Variants in RFTN1 observed in about 807,000 individuals in gnomAD.
RFTN1 encodes the protein raftlin.
A neutral mutation model predicts 46.5 loss-of-function variants in RFTN1; 26 were observed. The observed-to-expected ratio is 0.56, with a 90% CI of 0.41 to 0.78. The LOEUF is 0.78. Among genes scored for constraint, RFTN1 ranks in the 30% least tolerant of loss-of-function variants. The pLI is 0.00. For missense variants in RFTN1, 693 were observed against 718.7 expected, an observed-to-expected ratio of 0.96 and a Z score of 0.41; for synonymous variants, 261 against 284.2, an observed-to-expected ratio of 0.92 and a Z score of 0.82.
chr3:16,497,548 G>A (rs143104286), intron 1 of RFTN1, among the ~76,000 whole-genome samples: 58 of 152,284 alleles, frequency 3.8e-4, no homozygotes, highest in South Asian at 3.7e-3. Context: ...AATGAGGAGC[G>A]GATAGGCTGG....
intron 2 of RFTN1, among the ~76,000 whole-genome samples, chr3:16,444,127 C>T (rs2075683529): frequency 6.6e-6 from 1 of 152,172 alleles, no homozygotes; most frequent in Admixed American, 6.5e-5. Context: ...GAAACTCATC[C>T]ATACCAAATC....
At position 16,426,607 on chromosome 3, in the gene RFTN1, T is replaced by A. The variant is rs2075294127; in HGVS notation, c.332+7244A>T. On this transcript the variant is annotated intron_variant, in intron 3 of 9. Transcript: ENST00000334133. This position sits in a 1 kb window ranked among gnomAD's most constrained non-coding sequence, Gnocchi z 5.9. The stretch of plus-strand genomic sequence containing the variant: ...TTAAAAGAAAAAGAAGAGTGAAAAA[T>A]AATGGACATCTATTCTTGTGGCAAA... 6.6e-6 allele frequency among the ~76,000 whole-genome samples: 1 copy of A among 151,132 alleles called. No individual in the cohort carries two copies. The highest frequency in any genetic ancestry group is 2.4e-5 in the African/African-American group (1 of 41,026).
rs1473892541 is a variant in RFTN1 at position 16,327,809 on chromosome 3, G to A, written c.1147-933C>T. On this transcript the variant is annotated intron_variant, in intron 7 of 9. Coordinates refer to ENST00000334133, the MANE Select transcript of RFTN1 (RefSeq NM_015150.2). This position sits in a 1 kb window ranked among gnomAD's most constrained non-coding sequence, Gnocchi z 4.2. ...AAACTTCAGCCCCCTGCTAGCACAG[G>A]GAGAGAGCCCTGATGTGAGGCCCCT... 6.6e-6 allele frequency among the ~76,000 whole-genome samples: 1 copy of A among 151,952 alleles called. No homozygotes were observed. The highest frequency in any genetic ancestry group is 2.4e-5 in the African/African-American group (1 of 41,368).
rs556690757 is a variant in RFTN1, at chr3:16,410,010, A to T, written c.333-527T>A. On this transcript the variant is annotated intron_variant, in intron 3 of 9. Transcript: ENST00000334133. The surrounding 1 kb of genome is among the most constrained non-coding windows in gnomAD (Gnocchi z 4.6). ...ACGCAGAATATTTTTTTTTTTTTTT[A>T]AAAAGAATCATTGGGTCTTTAATGA... 1.7e-4 allele frequency among the ~76,000 whole-genome samples: 25 copies of T among 148,826 alleles called. No individual in the cohort carries two copies. The highest frequency in any genetic ancestry group is 6.4e-4 in the South Asian group (3 of 4,706).
intron 7 of RFTN1, among the ~76,000 whole-genome samples, chr3:16,347,189 C>A (rs1364062753): frequency 6.6e-6 from 1 of 152,172 alleles, no homozygotes; most frequent in Non-Finnish European, 1.5e-5. Context: ...AAATCCAGGC[C>A]CTTGCCTCAC....
In RFTN1 at chr3:16,322,030, G is replaced by A. The variant is rs951483337; in HGVS notation, c.1332+1346C>T. Among the ~76,000 whole-genome samples, 1 of 152,244 alleles carries A rather than the reference G, an allele frequency of 6.6e-6. No homozygotes were observed. The highest frequency in any genetic ancestry group is 2.4e-5 in the African/African-American group (1 of 41,464). ...CTCTGTAAGGCTGCAGCGGGTGTCT[G>A]TCAGCATCTGACAGGGGCCCTTTGC... On this transcript the variant is annotated intron_variant, in intron 9 of 9. Transcript: ENST00000334133. The surrounding 1 kb of genome is among the most constrained non-coding windows in gnomAD (Gnocchi z 6.2).
rs1330978819 is a variant in RFTN1 at position 16,498,065 on chromosome 3, T to A, written c.-8-4188A>T. Among the ~76,000 whole-genome samples, 1 of 152,206 alleles carries A rather than the reference T, an allele frequency of 6.6e-6. No homozygotes were observed. Among genetic ancestry groups the A allele is most frequent in the East Asian group, 1.9e-4 (1 of 5,190 alleles). On this transcript the variant is annotated intron_variant, in intron 1 of 9. Transcript: ENST00000334133. This position sits in a 1 kb window ranked among gnomAD's most constrained non-coding sequence, Gnocchi z 5.2. ...TGCCCCAGCTCATCCCAAAGGGCAT[T>A]GTGCTTGATATCACAGGACATAAAG...
At position 16,429,303 on chromosome 3, in the gene RFTN1, C is replaced by A. The variant is rs959241422; in HGVS notation, c.332+4548G>T. ...CTTGAGAACTACTTTTGGAATGACT[C>A]ATTAATAATTTAGTTAGACTGTCAA... On this transcript the variant is annotated intron_variant, in intron 3 of 9. Coordinates refer to ENST00000334133, the MANE Select transcript of RFTN1 (RefSeq NM_015150.2). The surrounding 1 kb of genome is among the most constrained non-coding windows in gnomAD (Gnocchi z 6.4). Among the ~76,000 whole-genome samples the A allele has an allele frequency of 2.2e-4, 34 of 152,200 alleles. No individual in the cohort carries two copies. The highest frequency in any genetic ancestry group is 8.0e-4 in the African/African-American group (33 of 41,446).
rs35760953 is a variant in RFTN1 at position 16,404,387 on chromosome 3, A to AATAT, written c.441+4984_441+4987dup. Among the ~76,000 whole-genome samples the AATAT allele has an allele frequency of 8.7e-5, 4 of 45,902 alleles. 1 individual carries two copies. Among genetic ancestry groups the AATAT allele is most frequent in the Non-Finnish European group, 1.5e-4 (4 of 27,022 alleles). The allele number at this position is 45,902 out of a possible 152,430, so 30.1% of individuals were successfully genotyped here. On this transcript the variant is annotated intron_variant, in intron 4 of 9. Coordinates refer to ENST00000334133, the MANE Select transcript of RFTN1 (RefSeq NM_015150.2). ...ACAATATATAATATATATAATATAT[A>AATAT]ATATATATACAATATATAATATATA... is the stretch of plus-strand genomic sequence containing the variant.
rs557968311 is a variant in RFTN1 at position 16,370,573 on chromosome 3, T to C, written c.827-294A>G. Among the ~76,000 whole-genome samples the C allele has an allele frequency of 2.0e-5, 3 of 152,276 alleles. No homozygotes were observed. Among genetic ancestry groups the C allele is most frequent in the Non-Finnish European group, 2.9e-5 (2 of 68,028 alleles). On this transcript the variant is annotated intron_variant, in intron 5 of 9. Transcript: ENST00000334133. The surrounding 1 kb of genome is among the most constrained non-coding windows in gnomAD (Gnocchi z 5.5). Reference sequence around the variant, plus strand: ...GCGATTAATAGGCACAGCTAGGTGTTTGAGAAAAGAACATAGCAGATGGTT... The same window carrying C: ...GCGATTAATAGGCACAGCTAGGTGTCTGAGAAAAGAACATAGCAGATGGTT...
At chr3:16,456,564 C>G (rs1407869720) in intron 2 of RFTN1, among the ~76,000 whole-genome samples, 1 of 152,240 alleles carries the variant, frequency 6.6e-6, no homozygotes, top group Non-Finnish European at 1.5e-5. Flanking sequence ...TGACCAAACT[C>G]TTAGAAAAGG....
rs77908924 is a variant in RFTN1 at position 16,338,530 on chromosome 3, G to A, written c.1147-11654C>T. Among the ~76,000 whole-genome samples, 3 of 152,320 alleles carry A rather than the reference G, an allele frequency of 2.0e-5. No homozygotes were observed. The East Asian group carries it at 5.8e-4, about 29-fold the overall frequency. The stretch of plus-strand genomic sequence containing the variant: ...CACACATTGAGTGCTTCAGGGTGAG[G>A]GGGTCCTCCCAGGCCAACTTAGAAA... On this transcript the variant is annotated intron_variant, in intron 7 of 9. Transcript: ENST00000334133. The surrounding 1 kb of genome is among the most constrained non-coding windows in gnomAD (Gnocchi z 5.3).
intron 4 of RFTN1, among the ~76,000 whole-genome samples, chr3:16,408,057 G>A (rs1559331240): frequency 6.6e-6 from 1 of 152,110 alleles, no homozygotes; most frequent in Non-Finnish European, 1.5e-5. Flanking sequence ...TCCTCTCAAC[G>A]GCTTCCCGCT....
chr3:16,345,788 C>CTGTGTGTGTGTGTGTGTGTGTGTGTGTG lies in RFTN1; in HGVS notation c.1146+12116_1146+12143dup, dbSNP rs370820242. On this transcript the variant is annotated intron_variant, in intron 7 of 9. Transcript: ENST00000334133. The surrounding 1 kb of genome is among the most constrained non-coding windows in gnomAD (Gnocchi z 5.2). ...TGAGCCAAAACCTTATAATAAATCT[C>CTGTGTGTGTGTGTGTGTGTGTGTGTGTG]TGTGTGTGTGTGTGTGTGTGTGTGT... Among the ~76,000 whole-genome samples, 11 of 127,248 alleles carry CTGTGTGTGTGTGTGTGTGTGTGTGTGTG rather than the reference C, an allele frequency of 8.6e-5. No homozygotes were observed. Among genetic ancestry groups the CTGTGTGTGTGTGTGTGTGTGTGTGTGTG allele is most frequent in the African/African-American group, 2.4e-4 (8 of 33,130 alleles). 83.5% of individuals were successfully genotyped at this position (127,248 alleles called of 152,430 possible).
intron 7 of RFTN1, among the ~76,000 whole-genome samples, chr3:16,340,492 GA>G (rs2071249137): frequency 6.6e-6 from 1 of 152,230 alleles, no homozygotes; most frequent in African/African-American, 2.4e-5. Context: ...CCCTATGGCT[GA>G]AAAATTGATC....
chr3:16,395,989 G>T (rs2074458506), intron 4 of RFTN1, among the ~76,000 whole-genome samples: 1 of 151,966 alleles, frequency 6.6e-6, no homozygotes, highest in Non-Finnish European at 1.5e-5. Context: ...GGATATATTG[G>T]GTTAAATAAG....
chr3:16,505,552 G>C (rs946424126), intron 1 of RFTN1, among the ~76,000 whole-genome samples: 1 of 152,198 alleles, frequency 6.6e-6, no homozygotes, highest in Non-Finnish European at 1.5e-5. Flanking sequence ...AGGCCAGAAG[G>C]CTGGAAACCC....
chr3:16,435,023 G>T (rs1452637487), intron 2 of RFTN1, among the ~76,000 whole-genome samples: 4 of 152,070 alleles, frequency 2.6e-5, no homozygotes, highest in Non-Finnish European at 4.4e-5. Context: ...TTTTTGAGAA[G>T]GGCAAACAAC....
intron 4 of RFTN1, among the ~76,000 whole-genome samples, chr3:16,408,530 A>G (rs1006423183): frequency 1.3e-5 from 2 of 151,178 alleles, no homozygotes; most frequent in Non-Finnish European, 2.9e-5. Flanking sequence ...ACTCAGCCCC[A>G]GTTTGGGGCT....
Sources: gnomAD v4.1 joint callset for allele counts (sites outside exome capture counted in the v4.1 genomes callset) on GRCh38, gnomAD v4.1.1 for gene constraint, Gnocchi (gnomAD v3.1) non-coding constraint, MANE v1.5 for transcripts, NCBI Gene and HGNC (gene_info 2026-07-23, HGNC 2026-07-21) for gene names.